Variants in DAZAP1 observed in about 807,000 individuals in gnomAD.
DAZAP1 encodes the protein DAZ associated protein 1, also known as DAZ-associated protein 1.
DAZAP1 carries 6 observed loss-of-function variants against 60.1 expected under a neutral mutation model. The observed-to-expected ratio is 0.10, with a 90% CI of 0.05 to 0.20. The LOEUF (loss-of-function observed/expected upper bound fraction) is 0.20. DAZAP1 is among the 10% of genes least tolerant of loss of function. The pLI, the probability that DAZAP1 is intolerant of heterozygous loss-of-function variation, is 1.00. For synonymous variants in DAZAP1, 235 were observed against 215.9 expected, an observed-to-expected ratio of 1.09 and a Z score of -0.78; for missense variants, 366 against 560.4, an observed-to-expected ratio of 0.65 and a Z score of 3.50.
chr19:1,420,999 C>T (rs1204763410), intron 4 of DAZAP1, 149 bp from the exon 5 acceptor site: 1 of 652,736 alleles, frequency 1.5e-6, no homozygotes, highest in Non-Finnish European at 2.7e-6. Context: ...AGCCCAGTGT[C>T]TTTGGACTTA....
intron 8 of DAZAP1, among the ~76,000 whole-genome samples, chr19:1,429,375 G>A (rs2144897900): frequency 6.6e-6 from 1 of 152,366 alleles, no homozygotes; most frequent in East Asian, 1.9e-4. Context: ...GGCTTGAGGA[G>A]CCGGCAGGCT....
chr19:1,412,262 G>T (rs1396381042), intron 1 of DAZAP1, among the ~76,000 whole-genome samples: 10 of 152,202 alleles, frequency 6.6e-5, no homozygotes, highest in Admixed American at 6.5e-4. Flanking sequence ...CTATGGAGGG[G>T]CGGGCTGGGC....
chr19:1,417,207 C>T (rs528943611), intron 1 of DAZAP1: 7 of 473,248 alleles, frequency 1.5e-5, no homozygotes, highest in South Asian at 7.6e-5. Flanking sequence ...AGCGTGGTGC[C>T]GTCACCACTG....
At chr19:1,427,477 C>T (rs2083334853) in intron 7 of DAZAP1, 1 of 152,282 alleles carries the variant, frequency 6.6e-6, no homozygotes, top group Non-Finnish European at 1.5e-5. Flanking sequence ...GCCGGCCCCT[C>T]ATGGGGGTTT....
intron 1 of DAZAP1, among the ~76,000 whole-genome samples, chr19:1,411,029 G>T (rs1432606745): frequency 6.6e-6 from 1 of 152,202 alleles, no homozygotes; most frequent in Non-Finnish European, 1.5e-5. Flanking sequence ...CCTGAGTGGG[G>T]CTCCTGGCTG....
Position 1,423,711 on chromosome 19 carries a change from G to C in DAZAP1, c.463+1315G>C, listed in dbSNP as rs1243660903. ...CTTCTAAATACGTTGTTTCATCACC[G>C]ATGCTGTGTTCCAATACTGCCTCTG... On this transcript the variant is annotated intron_variant, in intron 6 of 11. Coordinates refer to ENST00000233078, the MANE Select transcript of DAZAP1 (RefSeq NM_018959.4). The surrounding 1 kb of genome is among the most constrained non-coding windows in gnomAD (Gnocchi z 6.8). Among the ~76,000 whole-genome samples, 2 of 152,246 alleles carry C rather than the reference G, an allele frequency of 1.3e-5. No homozygotes were observed. The highest frequency in any genetic ancestry group is 4.8e-5 in the African/African-American group (2 of 41,454).
chr19:1,409,443 G>C (rs1444239961), intron 1 of DAZAP1, among the ~76,000 whole-genome samples: 1 of 152,218 alleles, frequency 6.6e-6, no homozygotes. Context: ...GTCCCAGCCT[G>C]GGTCTGGAGG....
chr19:1,430,254 G>GGGCCCC lies in DAZAP1; in HGVS notation c.763_764insGGCCCC (p.Ala255delinsGlyProPro). The GGGCCCC allele has an allele frequency of 1.1e-5, 14 of 1,295,214 alleles. No homozygotes were observed. Among genetic ancestry groups the GGGCCCC allele is most frequent in the Non-Finnish European group, 1.4e-5 (13 of 924,036 alleles). The allele number at this position is 1,295,214 out of a possible 1,614,324, so 80.2% of individuals were successfully genotyped here. The stretch of plus-strand genomic sequence containing the variant: ...TGGACCGCCCCCTGCAGGAAGAGGA[G>GGGCCCC]CCCCCCCGCCACCCCCACCGTTCAC... On this transcript the variant is annotated protein_altering_variant, in exon 10 of 12. Transcript: ENST00000233078.
At position 1,407,659 on chromosome 19, in the gene DAZAP1, GCC is replaced by G; in HGVS notation, c.-114_-113del. On this transcript the variant is annotated 5_prime_UTR_variant, in exon 1 of 12. Coordinates refer to ENST00000233078, the MANE Select transcript of DAZAP1 (RefSeq NM_018959.4). ...CGCCGCCGCCGCCGCCGCCGCCGCC[GCC>G]GTTGCGCAGATCCGGGCCGCGGCTG... 1.9e-5 allele frequency: 18 copies of G among 971,632 alleles called. No individual in the cohort carries two copies. Among genetic ancestry groups the G allele is most frequent in the South Asian group, 9.2e-5 (2 of 21,712 alleles). The allele number at this position is 971,632 out of a possible 1,614,324, so 60.2% of individuals were successfully genotyped here.
chr19:1,434,437 C>G lies in DAZAP1; in HGVS notation c.1049-300C>G. 1 of 357,186 alleles carries G rather than the reference C, an allele frequency of 2.8e-6. No homozygotes were observed. Among genetic ancestry groups the G allele is most frequent in the Admixed American group, 4.5e-5 (1 of 22,064 alleles). 22.1% of individuals were successfully genotyped at this position (357,186 alleles called of 1,614,324 possible). On this transcript the variant is annotated intron_variant, in intron 11 of 11. Coordinates refer to ENST00000233078, the MANE Select transcript of DAZAP1 (RefSeq NM_018959.4). The surrounding 1 kb of genome is among the most constrained non-coding windows in gnomAD (Gnocchi z 8.0). ...AAGCCCCGAGGCTTCTCTACCTCCCCTCACCCCCCCAACCACGTCTTCGGG... is the reference window on the plus strand; with the variant it reads ...AAGCCCCGAGGCTTCTCTACCTCCCGTCACCCCCCCAACCACGTCTTCGGG...
chr19:1,413,301 T>C (rs1180437727), intron 1 of DAZAP1, among the ~76,000 whole-genome samples: 1 of 152,246 alleles, frequency 6.6e-6, no homozygotes, highest in East Asian at 1.9e-4. Context: ...TTGGTTCTGC[T>C]GCCTGGGCAG....
intron 1 of DAZAP1, among the ~76,000 whole-genome samples, chr19:1,411,003 C>T (rs998349480): frequency 1.3e-5 from 2 of 152,208 alleles, no homozygotes; most frequent in Admixed American, 1.3e-4. Flanking sequence ...TATTGGGTGG[C>T]TGTGGAAGGA....
intron 1 of DAZAP1, among the ~76,000 whole-genome samples, chr19:1,408,825 C>A (rs1034020807): frequency 7.2e-5 from 11 of 152,234 alleles, no homozygotes; most frequent in African/African-American, 2.7e-4. Flanking sequence ...GTAGGAGCGG[C>A]TCCTGCCGCA....
chr19:1,422,310 G>T lies in DAZAP1; in HGVS notation c.415-38G>T. 2 of 1,602,118 alleles carry T rather than the reference G, an allele frequency of 1.2e-6. No homozygotes were observed. The highest frequency in any genetic ancestry group is 1.7e-6 in the Non-Finnish European group (2 of 1,169,514). ...CCTCGGAAGACCACCTGTGGTGCTG[G>T]CCCTGGTGTCCGTGCTGACGCCACC... On this transcript the variant is annotated intron_variant, in intron 5 of 11. Coordinates refer to ENST00000233078, the MANE Select transcript of DAZAP1 (RefSeq NM_018959.4). This position sits in a 1 kb window ranked among gnomAD's most constrained non-coding sequence, Gnocchi z 4.5.
chr19:1,421,195 C>T lies in DAZAP1; in HGVS notation c.351C>T (p.Val117=), dbSNP rs573550434. ...ACAGTAAATCAAATAAGATATTTGT[C>T]GGTGGAATTCCTCACAATTGTGGTG... The part of the protein sequence containing the change: ...SDNSKSNKIF[V]GGIPHNCGET... The change falls in exon 5 of 12, where the codon GTC becomes GTT. Residue 117 remains valine (V), a synonymous_variant. Transcript: ENST00000233078. The T allele has an allele frequency of 1.5e-5, 24 of 1,614,058 alleles. No homozygotes were observed. Among genetic ancestry groups the T allele is most frequent in the Middle Eastern group, 1.6e-4 (1 of 6,080 alleles).
Position 1,433,655 on chromosome 19 carries a change from G to A in DAZAP1, c.1048+965G>A, listed in dbSNP as rs1409695892. 13 of 1,158,538 alleles carry A rather than the reference G, an allele frequency of 1.1e-5. No homozygotes were observed. The highest frequency in any genetic ancestry group is 3.8e-5 in the South Asian group (3 of 79,310). 71.8% of individuals were successfully genotyped at this position (1,158,538 alleles called of 1,614,324 possible). A position where few individuals can be genotyped will look rare whatever the true frequency, so the allele number is the denominator to read the frequency against. On this transcript the variant is annotated intron_variant, in intron 11 of 11. Coordinates refer to ENST00000233078, the MANE Select transcript of DAZAP1 (RefSeq NM_018959.4). This position sits in a 1 kb window ranked among gnomAD's most constrained non-coding sequence, Gnocchi z 6.1. ...TGAGACTGGCAGGGGGGTGTGAGGCGCCCGGTTGGGGCGTGGCGTGTGTCA... is the reference window on the plus strand; with the variant it reads ...TGAGACTGGCAGGGGGGTGTGAGGCACCCGGTTGGGGCGTGGCGTGTGTCA...
At chr19:1,410,171 C>G (rs1569032530) in intron 1 of DAZAP1, 1 of 152,236 alleles carries the variant, frequency 6.6e-6, no homozygotes, top group Admixed American at 6.5e-5. Context: ...GCTTAGAAGT[C>G]CATGTAAAGC....
intron 4 of DAZAP1, among the ~76,000 whole-genome samples, chr19:1,420,697 T>G (rs1411843673): frequency 6.6e-6 from 1 of 152,166 alleles, no homozygotes; most frequent in Non-Finnish European, 1.5e-5. Context: ...ACACAGCTCT[T>G]GAGCTGCTGG....
In DAZAP1 at chr19:1,434,440, A is replaced by AC. The variant is rs1159369128; in HGVS notation, c.1049-290dup. The stretch of plus-strand genomic sequence containing the variant: ...CCCCGAGGCTTCTCTACCTCCCCTC[A>AC]CCCCCCCAACCACGTCTTCGGGATT... On this transcript the variant is annotated intron_variant, in intron 11 of 11. Coordinates refer to ENST00000233078, the MANE Select transcript of DAZAP1 (RefSeq NM_018959.4). This position sits in a 1 kb window ranked among gnomAD's most constrained non-coding sequence, Gnocchi z 8.0. 15 of 347,082 alleles carry AC rather than the reference A, an allele frequency of 4.3e-5. No individual in the cohort carries two copies. The highest frequency in any genetic ancestry group is 1.3e-4 in the African/African-American group (6 of 45,146). 21.5% of individuals were successfully genotyped at this position (347,082 alleles called of 1,614,324 possible).
Sources: gnomAD v4.1 joint callset for allele counts (sites outside exome capture counted in the v4.1 genomes callset) on GRCh38, gnomAD v4.1.1 for gene constraint, Gnocchi (gnomAD v3.1) non-coding constraint, MANE v1.5 for transcripts, NCBI Gene and HGNC (gene_info 2026-07-23, HGNC 2026-07-21) for gene names.